HERC1: variants seen among roughly 807,000 people sequenced by gnomAD.
The protein encoded by HERC1 is HECT and RLD domain containing E3 ubiquitin protein ligase family member 1.
In HERC1, 160 loss-of-function variants were observed where a neutral mutation model predicts 554.3. The observed-to-expected ratio is 0.29, with a 90% CI of 0.25 to 0.33. The LOEUF (loss-of-function observed/expected upper bound fraction) is 0.33, where lower values mean the gene tolerates loss of function less well. Among genes scored for constraint, HERC1 ranks in the 10% least tolerant of loss-of-function variants. The pLI, the probability that HERC1 is intolerant of heterozygous loss-of-function variation, is 1.00. For missense variants in HERC1, 4,919 were observed against 5,918.5 expected, an observed-to-expected ratio of 0.83 and a Z score of 5.54; for synonymous variants, 2,175 against 2,131.7, an observed-to-expected ratio of 1.02 and a Z score of -0.56.
At chr15:63,804,286 C>A (rs1469720593) in intron 1 of HERC1, among the ~76,000 whole-genome samples, 1 of 152,094 alleles carries the variant, frequency 6.6e-6, no homozygotes, top group African/African-American at 2.4e-5. Flanking sequence ...AAACTTTTGT[C>A]CTTCAAAAAG....
chr15:63,624,059 T>G, intron 72 of HERC1, 99 bp downstream of exon 72: 1 of 1,309,020 alleles, frequency 7.6e-7, no homozygotes, highest in South Asian at 1.4e-5. Flanking sequence ...CTATCTACCC[T>G]GCCTTAGAAG....
At chr15:63,620,181 C>G (rs552249485) in intron 74 of HERC1, among the ~76,000 whole-genome samples, 2 of 152,258 alleles carry the variant, frequency 1.3e-5, no homozygotes, top group East Asian at 3.9e-4. Flanking sequence ...CCCAGAGATT[C>G]TGGTATGTTG....
At chr15:63,713,896 A>G in intron 22 of HERC1, 1 of 436,126 alleles carries the variant, frequency 2.3e-6, no homozygotes, top group Non-Finnish European at 4.1e-6. Context: ...CTGCCTTTAC[A>G]GAATTTTAAT....
At chr15:63,618,173 C>G (rs75260658) in intron 74 of HERC1, among the ~76,000 whole-genome samples, 1 of 150,580 alleles carries the variant, frequency 6.6e-6, no homozygotes, top group East Asian at 1.9e-4. Flanking sequence ...ATCTTGAATT[C>G]ATTTTTGTAT....
intron 41 of HERC1, 76 bp downstream of exon 41, chr15:63,666,280 C>G: frequency 2.2e-6 from 3 of 1,393,384 alleles, no homozygotes; most frequent in South Asian, 1.2e-5. Context: ...TTCATAGCCT[C>G]TTAAAAGTTA....
In HERC1 at chr15:63,713,420, G is replaced by A; in HGVS notation, c.4396C>T (p.Arg1466Ter). ...TGCTGCAACTGTCCTTCTTCTCTTC[G>A]CTTCTGAAGCTCATCTATCACAGGA... is the stretch of plus-strand genomic sequence containing the variant. ...VSPVIDELQKRREEGQLQQPS... is the reference protein window; with the variant it reads ...VSPVIDELQK The change falls in exon 23 of 78, where the codon CGA (arginine) becomes TGA (stop). Residue 1466 changes from arginine (R) to a stop codon, truncating the protein, a stop_gained. Coordinates refer to ENST00000443617, the MANE Select transcript of HERC1 (RefSeq NM_003922.4). LOFTEE classifies it high-confidence loss of function. 1.9e-6 allele frequency: 3 copies of A among 1,613,916 alleles called. No individual in the cohort carries two copies. The highest frequency in any genetic ancestry group is 2.5e-6 in the Non-Finnish European group (3 of 1,179,878).
In HERC1 at chr15:63,656,248, G is replaced by T. The variant is rs748515826; in HGVS notation, c.9710C>A (p.Thr3237Asn). Reference sequence around the variant, plus strand: ...GGTGCTAGCCATGGCAGAAGGGCTGGTGGAGAGGCCAGCTCTCCCTGCTGC... The same window carrying T: ...GGTGCTAGCCATGGCAGAAGGGCTGTTGGAGAGGCCAGCTCTCCCTGCTGC... ...LAAAGRAGLS[T>N]SPSAMASTSE... The change falls in exon 49 of 78, where the codon ACC becomes AAC. Residue 3237 changes from threonine (T) to asparagine (N), a missense_variant. Thr to Asn is a moderately conservative substitution (Grantham distance 65). This residue lies in a region of HERC1 where 1,963 missense variants were observed against 2,228.6 expected (regional missense o/e 0.88). Coordinates refer to ENST00000443617, the MANE Select transcript of HERC1 (RefSeq NM_003922.4). 1.7e-5 allele frequency: 27 copies of T among 1,613,856 alleles called. No individual in the cohort carries two copies. The highest frequency in any genetic ancestry group is 2.3e-5 in the Non-Finnish European group (27 of 1,179,798).
chr15:63,726,465 T>C (rs2140802046), intron 17 of HERC1, among the ~76,000 whole-genome samples: 1 of 152,010 alleles, frequency 6.6e-6, no homozygotes, highest in African/African-American at 2.4e-5. Flanking sequence ...ATAAAATTAC[T>C]CAAGAAAAAA....
At chr15:63,744,154 G>GTGTGTGTGTGTC (rs1171132597) in intron 12 of HERC1, among the ~76,000 whole-genome samples, 28 of 42,102 alleles carry the variant, frequency 6.7e-4, no homozygotes, top group Non-Finnish European at 1.8e-3. Context: ...GTGTGTGTGT[G>GTGTGTGTGTGTC]TGTGTGTGTG....
intron 57 of HERC1, among the ~76,000 whole-genome samples, chr15:63,644,096 C>A (rs1377068747): frequency 6.6e-6 from 1 of 152,234 alleles, no homozygotes; most frequent in African/African-American, 2.4e-5. Flanking sequence ...CCCACCTCCA[C>A]TGCTGTGATA....
rs972454514 is a variant in HERC1, at chr15:63,620,420, G to A, written c.13688+2395C>T. On this transcript the variant is annotated intron_variant, in intron 74 of 77. Transcript: ENST00000443617. ...AGGAGTGCTTTACTTCCAACTATGT[G>A]GTCAATTTTGGAATAGGTGTGGTGT... Among the ~76,000 whole-genome samples the A allele has an allele frequency of 9.3e-4, 141 of 151,842 alleles. 1 individual carries two copies. Among genetic ancestry groups the A allele is most frequent in the African/African-American group, 3.4e-3 (140 of 41,464 alleles).
chr15:63,806,298 A>G (rs1395136380), intron 1 of HERC1, among the ~76,000 whole-genome samples: 3 of 151,840 alleles, frequency 2.0e-5, no homozygotes, highest in Non-Finnish European at 4.4e-5. Flanking sequence ...CACCTCACCT[A>G]CATAATCTTT....
intron 59 of HERC1, among the ~76,000 whole-genome samples, chr15:63,642,155 G>A (rs780092863): frequency 1.3e-5 from 2 of 152,034 alleles, no homozygotes; most frequent in Admixed American, 6.6e-5. Flanking sequence ...TCAGCACATC[G>A]GCTCTAATCT....
intron 1 of HERC1, among the ~76,000 whole-genome samples, chr15:63,830,823 C>T (rs2078127127): frequency 6.6e-6 from 1 of 152,120 alleles, no homozygotes; most frequent in Admixed American, 6.5e-5. Flanking sequence ...TTAACAGTCC[C>T]ATTAATTTAG....
At chr15:63,724,823 C>T (rs570373386) in intron 18 of HERC1, among the ~76,000 whole-genome samples, 7 of 152,214 alleles carry the variant, frequency 4.6e-5, no homozygotes, top group African/African-American at 1.2e-4. Flanking sequence ...TCTAAAGGCA[C>T]TTTAAGTGGC....
intron 24 of HERC1, among the ~76,000 whole-genome samples, chr15:63,710,569 TAGACTA>T (rs1189088883): frequency 2.0e-5 from 3 of 152,166 alleles, no homozygotes; most frequent in Non-Finnish European, 4.4e-5. Context: ...TATTCTAATG[TAGACTA>T]AGACTAACTG....
chr15:63,774,812 G>A lies in HERC1; in HGVS notation c.812C>T (p.Ala271Val). The A allele has an allele frequency of 6.2e-7, 1 of 1,613,920 alleles. No homozygotes were observed. The highest frequency in any genetic ancestry group is 8.5e-7 in the Non-Finnish European group (1 of 1,179,882). The change falls in exon 2 of 78, where the codon GCT (alanine) becomes GTT (valine). Residue 271 changes from alanine to valine, a missense_variant. Transcript: ENST00000443617. ...LRYLLEWIEM[A>V]LGASAVVHTM... ...GTGTACAACTGCCGAAGCCCCCAAA[G>A]CCATTTCTATCCATTCAAGAAGATA... is the stretch of plus-strand genomic sequence containing the variant.
Position 63,612,384 on chromosome 15 carries a change from C to G in HERC1, c.14267G>C (p.Trp4756Ser). ...GAACTCTTCCAGCGTGTGCCAGAACCACTGCACCAGCTGATGCTGCTCATC... is the reference window on the plus strand; with the variant it reads ...GAACTCTTCCAGCGTGTGCCAGAACGACTGCACCAGCTGATGCTGCTCATC... ...EVDEQHQLVQ[W>S]FWHTLEEFSN... The change falls in exon 77 of 78, where the codon TGG becomes TCG. Residue 4756 changes from tryptophan to serine, a missense_variant. By Grantham distance (177) the Trp-to-Ser change is radical. Transcript: ENST00000443617. The surrounding 1 kb of genome is among the most constrained non-coding windows in gnomAD (Gnocchi z 5.0). 6.2e-7 allele frequency: 1 copy of G among 1,614,044 alleles called. No individual in the cohort carries two copies. The highest frequency in any genetic ancestry group is 8.5e-7 in the Non-Finnish European group (1 of 1,179,902).
chr15:63,624,639 T>G (rs2068223057), intron 71 of HERC1, among the ~76,000 whole-genome samples: 1 of 152,118 alleles, frequency 6.6e-6, no homozygotes, highest in Non-Finnish European at 1.5e-5. Flanking sequence ...GAGGCTGCAG[T>G]GAGCTGAGAT....
Sources: gnomAD v4.1 joint callset for allele counts (sites outside exome capture counted in the v4.1 genomes callset) on GRCh38, gnomAD v4.1.1 for gene constraint, gnomAD v4.1.1 regional missense constraint, Gnocchi (gnomAD v3.1) non-coding constraint, MANE v1.5 for transcripts, NCBI Gene and HGNC (gene_info 2026-07-23, HGNC 2026-07-21) for gene names.